MTCL1: variants seen among roughly 807,000 people sequenced by gnomAD.
The protein encoded by MTCL1 is microtubule crosslinking factor 1, also known as microtubule cross-linking factor 1.
Under a neutral mutation model 141.4 loss-of-function variants are expected in MTCL1, and 79 were observed. The observed-to-expected ratio is 0.56, with a 90% confidence interval of 0.47 to 0.67. The LOEUF is 0.67. MTCL1 is among the 30% of genes least tolerant of loss of function. The probability of loss-of-function intolerance (pLI) is 0.00; values close to 1 mark genes in which losing one functional copy is unlikely to be tolerated. For synonymous variants in MTCL1, 914 were observed against 875.8 expected (o/e 1.04, Z -0.77); for missense variants, 2,177 against 2,113.9 (o/e 1.03, Z -0.59).
At chr18:8,796,124 T>C in intron 8 of MTCL1, 108 bp from the exon 8 acceptor site, 1 of 1,071,266 alleles carries the variant, frequency 9.3e-7, no homozygotes, top group Non-Finnish European at 1.4e-6. Flanking sequence ...TCACGTCTCA[T>C]ATGCAGCATG....
chr18:8,755,220 G>A (rs761639045), intron 4 of MTCL1, among the ~76,000 whole-genome samples: 9 of 152,218 alleles, frequency 5.9e-5, no homozygotes, highest in African/African-American at 1.2e-4. Context: ...GTGACAGGAC[G>A]AGGGGCAGGA....
intron 4 of MTCL1, among the ~76,000 whole-genome samples, chr18:8,762,634 C>T (rs1375754390): frequency 1.3e-5 from 2 of 152,222 alleles, no homozygotes; most frequent in African/African-American, 4.8e-5. Flanking sequence ...TGGCTTCCAC[C>T]CTTGAGGACA....
chr18:8,742,990 T>C (rs762600815), intron 4 of MTCL1, among the ~76,000 whole-genome samples: 2 of 152,240 alleles, frequency 1.3e-5, no homozygotes, highest in African/African-American at 2.4e-5. Flanking sequence ...TTTCTACTTA[T>C]CACAATTAAA....
At chr18:8,775,183 G>A (rs985181937) in intron 4 of MTCL1, among the ~76,000 whole-genome samples, 2 of 152,158 alleles carry the variant, frequency 1.3e-5, no homozygotes, top group East Asian at 1.9e-4. Flanking sequence ...GGCCCTGATC[G>A]CTATTACAGC....
chr18:8,736,469 G>A (rs943696834), intron 4 of MTCL1, among the ~76,000 whole-genome samples: 13 of 152,024 alleles, frequency 8.6e-5, no homozygotes, highest in African/African-American at 2.9e-4. Flanking sequence ...CTAACACAAA[G>A]CCTGTTTTAT....
chr18:8,747,669 C>G (rs1423988820), intron 4 of MTCL1, among the ~76,000 whole-genome samples: 2 of 152,236 alleles, frequency 1.3e-5, no homozygotes, highest in Non-Finnish European at 2.9e-5. Context: ...TTCCCCAGCA[C>G]TGGGGGTAGC....
chr18:8,756,548 T>TAC (rs1266621562), intron 4 of MTCL1, among the ~76,000 whole-genome samples: 6 of 152,024 alleles, frequency 3.9e-5, no homozygotes, highest in African/African-American at 1.4e-4. Context: ...TATGTGTATA[T>TAC]ATATGTATAT....
At chr18:8,769,957 C>G (rs1283823080) in intron 4 of MTCL1, among the ~76,000 whole-genome samples, 1 of 152,222 alleles carries the variant, frequency 6.6e-6, no homozygotes, top group Non-Finnish European at 1.5e-5. Flanking sequence ...GCAGCACCTG[C>G]GAATGTAGCA....
chr18:8,792,877 T>C (rs2075782228), intron 7 of MTCL1, 121 bp from the exon 7 acceptor site: 1 of 1,372,272 alleles, frequency 7.3e-7, no homozygotes, highest in African/African-American at 1.4e-5. Context: ...ACTGCTGCAG[T>C]GCCCACACAT....
chr18:8,785,857 C>T (rs971236103), intron 6 of MTCL1, 79 bp from the exon 6 acceptor site: 49 of 1,507,802 alleles, frequency 3.2e-5, no homozygotes, highest in Middle Eastern at 2.5e-4. Context: ...CTGCCTCCAC[C>T]CTTGTCCTTT....
At chr18:8,724,618 C>T (rs1443743877) in intron 4 of MTCL1, among the ~76,000 whole-genome samples, 1 of 152,068 alleles carries the variant, frequency 6.6e-6, no homozygotes, top group Non-Finnish European at 1.5e-5. Context: ...GGCAGACTTG[C>T]CTTGGCTTGT....
exon 15 of MTCL1, chr18:8,824,788 G>C: frequency 6.2e-7 from 1 of 1,614,182 alleles, no homozygotes; most frequent in East Asian, 2.2e-5. Context: ...TCCACCAGCA[G>C]CAAGGAGGAT....
At chr18:8,802,111 A>G (rs1179795969) in intron 10 of MTCL1, 2 of 152,222 alleles carry the variant, frequency 1.3e-5, no homozygotes, top group East Asian at 1.9e-4. Flanking sequence ...GAATGTATCA[A>G]TTCTAGCTAA....
At chr18:8,758,512 G>A (rs2096414100) in intron 4 of MTCL1, among the ~76,000 whole-genome samples, 1 of 152,144 alleles carries the variant, frequency 6.6e-6, no homozygotes. Context: ...GTAATTAAAG[G>A]CAAAGGATAC....
chr18:8,756,459 ATATG>A (rs1419204195), intron 4 of MTCL1, among the ~76,000 whole-genome samples: 1 of 142,898 alleles, frequency 7.0e-6, no homozygotes, highest in East Asian at 2.0e-4. Flanking sequence ...ATATGTGTAT[ATATG>A]TGTATATGTG....
exon 1 of MTCL1, chr18:8,706,547 C>G (rs916338674): frequency 1.4e-6 from 2 of 1,390,368 alleles, no homozygotes; most frequent in Non-Finnish European, 1.9e-6. Context: ...TTCGCGGGGC[C>G]CGGCGTGGCG....
chr18:8,798,442 C>T lies in MTCL1; in HGVS notation c.2436+151C>T. On this transcript the variant is annotated intron_variant, in intron 10 of 16. Coordinates refer to ENST00000359865, the Ensembl canonical transcript of MTCL1. ...CGGTCACCTGTTGTCATTTGTGATG[C>T]TGGGTTTTTCCTAGAAATCACCTCA... 4.8e-6 allele frequency: 3 copies of T among 621,326 alleles called. No individual in the cohort carries two copies. In the Admixed American group the frequency reaches 1.3e-4, roughly 26 times the overall value. The allele number at this position is 621,326 out of a possible 1,614,324, so 38.5% of individuals were successfully genotyped here. A position where few individuals can be genotyped will look rare whatever the true frequency, so the allele number is the denominator to read the frequency against.
intron 1 of MTCL1, among the ~76,000 whole-genome samples, chr18:8,710,165 G>A (rs1229412491): frequency 6.6e-6 from 1 of 152,208 alleles, no homozygotes; most frequent in East Asian, 1.9e-4. Flanking sequence ...TAAATAGTCA[G>A]TGTCAACAGA....
chr18:8,720,401 A>C, exon 4 of MTCL1: 2 of 1,614,172 alleles, frequency 1.2e-6, no homozygotes, highest in South Asian at 1.1e-5. Context: ...AAAGCGCGCT[A>C]AAGCTGAGGA....
Sources: gnomAD v4.1 joint callset for allele counts (sites outside exome capture counted in the v4.1 genomes callset) on GRCh38, gnomAD v4.1.1 for gene constraint, MANE v1.5 for transcripts, NCBI Gene and HGNC (gene_info 2026-07-23, HGNC 2026-07-21) for gene names.